ADGRV1: variants seen among roughly 807,000 people sequenced by gnomAD.
ADGRV1 encodes G-protein coupled receptor 98.
A neutral mutation model predicts 596.2 loss-of-function variants in ADGRV1; 359 were observed. The ratio of observed to expected loss-of-function variants is 0.60; its 90% CI spans 0.55 to 0.66. ADGRV1 has a LOEUF of 0.66. ADGRV1 is among the 30% of genes least tolerant of loss of function. The pLI, the probability that ADGRV1 is intolerant of heterozygous loss-of-function variation, is 0.00. For synonymous variants in ADGRV1, 2,681 were observed against 2,679.2 expected, an observed-to-expected ratio of 1.00 and a Z score of -0.02; for missense variants, 7,274 against 7,575.6, an observed-to-expected ratio of 0.96 and a Z score of 1.48.
In ADGRV1 at chr5:90,983,677, G is replaced by T. The variant is rs561928675; in HGVS notation, c.17974-1667G>T. 2.0e-5 allele frequency among the ~76,000 whole-genome samples: 3 copies of T among 152,136 alleles called. No homozygotes were observed. In the South Asian group the frequency reaches 6.2e-4, roughly 32 times the overall value. ...AATTATAGAAAGAAAAAAAAAGTTGGATCTAGTAATTTTTAAAAATGAATT... is the reference window on the plus strand; with the variant it reads ...AATTATAGAAAGAAAAAAAAAGTTGTATCTAGTAATTTTTAAAAATGAATT... On this transcript the variant is annotated intron_variant, in intron 84 of 89. Transcript: ENST00000405460.
rs773569163 is a variant in ADGRV1 at position 90,629,253 on chromosome 5, TAAC to T, written c.1555_1557del (p.Thr519del). 2.1e-5 allele frequency: 34 copies of T among 1,611,268 alleles called. No individual in the cohort carries two copies. Among genetic ancestry groups the T allele is most frequent in the Non-Finnish European group, 2.7e-5 (32 of 1,178,716 alleles). On this transcript the variant is annotated inframe_deletion, in exon 9 of 90. Coordinates refer to ENST00000405460, the MANE Select transcript of ADGRV1 (RefSeq NM_032119.4). ...GATAGTGATGATGTCTATGGCCTAA[TAAC>T]ATTTTTTCCTATGGAAAACCAGAAG...
chr5:90,991,579 TAGTTTTTTAGTATTTC>T (rs1018503104), intron 85 of ADGRV1, among the ~76,000 whole-genome samples: 26 of 152,220 alleles, frequency 1.7e-4, no homozygotes, highest in African/African-American at 5.5e-4. Context: ...ATGTCCAGCC[TAGTTTTTTAGTATTTC>T]AGTTTTTTAG....
rs1194527745 is a variant in ADGRV1, at chr5:90,759,603, T to C, written c.12120+15T>C. 1 of 1,604,418 alleles carries C rather than the reference T, an allele frequency of 6.2e-7. No individual in the cohort carries two copies. Among genetic ancestry groups the C allele is most frequent in the Non-Finnish European group, 8.5e-7 (1 of 1,171,988 alleles). On this transcript the variant is annotated intron_variant, in intron 58 of 89. Coordinates refer to ENST00000405460, the MANE Select transcript of ADGRV1 (RefSeq NM_032119.4). ...AAGAAAAGACTGTAAGTTAAACATA[T>C]CAGGGGAAAGCCTTGTTTCAGGCTA...
At chr5:91,101,055 A>G (rs1214505768) in intron 86 of ADGRV1, among the ~76,000 whole-genome samples, 1 of 152,212 alleles carries the variant, frequency 6.6e-6, no homozygotes, top group Non-Finnish European at 1.5e-5. Context: ...TTACTGGTAT[A>G]ATAAAATGGA....
At chr5:90,726,653 A>G (rs967025147) in intron 48 of ADGRV1, among the ~76,000 whole-genome samples, 35 of 147,696 alleles carry the variant, frequency 2.4e-4, no homozygotes, top group African/African-American at 4.9e-4. Flanking sequence ...CTCTCTGGGT[A>G]TGTGTGTGTG....
intron 85 of ADGRV1, among the ~76,000 whole-genome samples, chr5:91,028,732 G>GTTTTTTTTTTTT: frequency 1.0e-5 from 1 of 95,906 alleles, no homozygotes; most frequent in South Asian, 4.2e-4. Context: ...ACTAGACTCT[G>GTTTTTTTTTTTT]TTTTTTTTTT....
At chr5:91,097,393 T>C (rs1326166127) in intron 86 of ADGRV1, among the ~76,000 whole-genome samples, 1 of 152,220 alleles carries the variant, frequency 6.6e-6, no homozygotes, top group Admixed American at 6.5e-5. Flanking sequence ...ATATAAAGTT[T>C]GGGGGGACAC....
intron 43 of ADGRV1, among the ~76,000 whole-genome samples, chr5:90,719,546 G>T (rs1580858536): frequency 6.6e-6 from 1 of 151,858 alleles, no homozygotes; most frequent in Admixed American, 6.6e-5. Flanking sequence ...TAATGTTTAG[G>T]TCTGTATGGT....
At chr5:90,704,584 AT>A in intron 36 of ADGRV1, 96 bp downstream of exon 36, 1 of 689,328 alleles carries the variant, frequency 1.5e-6, no homozygotes, top group Non-Finnish European at 2.5e-6. Context: ...ATGCATACCA[AT>A]TTTTAAAATG....
intron 83 of ADGRV1, among the ~76,000 whole-genome samples, chr5:90,946,589 A>G (rs974946267): frequency 1.3e-5 from 2 of 151,974 alleles, no homozygotes; most frequent in Non-Finnish European, 2.9e-5. Flanking sequence ...TGCATTAGCT[A>G]TTTATCCTGA....
chr5:90,965,824 T>C (rs1482903595), intron 84 of ADGRV1, among the ~76,000 whole-genome samples: 2 of 152,192 alleles, frequency 1.3e-5, no homozygotes, highest in African/African-American at 4.8e-5. Flanking sequence ...AACATTTTTC[T>C]AGGAAAAGTA....
intron 84 of ADGRV1, among the ~76,000 whole-genome samples, chr5:90,971,551 A>C (rs34843244): frequency 6.6e-6 from 1 of 152,230 alleles, no homozygotes. Context: ...AATATTCAAC[A>C]TTCTTAAAGA....
chr5:90,739,122 CT>C (rs1400342442), intron 50 of ADGRV1, among the ~76,000 whole-genome samples: 1 of 151,672 alleles, frequency 6.6e-6, no homozygotes, highest in East Asian at 1.9e-4. Flanking sequence ...CATTGTATTC[CT>C]TATTTCTAGC....
chr5:91,096,671 T>TA (rs1790894347), intron 86 of ADGRV1, among the ~76,000 whole-genome samples: 1 of 152,366 alleles, frequency 6.6e-6, no homozygotes, highest in African/African-American at 2.4e-5. Flanking sequence ...CAGCCTGAGT[T>TA]ACTTGGCATA....
intron 17 of ADGRV1, 89 bp from the exon 18 acceptor site, chr5:90,651,515 T>C: frequency 8.7e-7 from 1 of 1,153,212 alleles, no homozygotes; most frequent in Non-Finnish European, 1.2e-6. Context: ...ATTTTCAACT[T>C]AATTGTAAAC....
intron 85 of ADGRV1, among the ~76,000 whole-genome samples, chr5:91,014,499 A>G (rs1581792275): frequency 6.6e-6 from 1 of 151,698 alleles, no homozygotes; most frequent in East Asian, 1.9e-4. Flanking sequence ...TAAATCCATC[A>G]GGTCCTGGGA....
At chr5:90,564,402 G>C (rs980890154) in intron 1 of ADGRV1, among the ~76,000 whole-genome samples, 2 of 152,108 alleles carry the variant, frequency 1.3e-5, no homozygotes, top group Non-Finnish European at 2.9e-5. Context: ...AAAAGGTAGA[G>C]AGGACTGGGA....
At chr5:90,597,881 A>G (rs887506490) in intron 1 of ADGRV1, among the ~76,000 whole-genome samples, 10 of 152,168 alleles carry the variant, frequency 6.6e-5, no homozygotes, top group African/African-American at 2.4e-4. Context: ...GTCTATGGAG[A>G]TAGAGATGGA....
At chr5:91,011,272 A>G (rs1001869277) in intron 85 of ADGRV1, among the ~76,000 whole-genome samples, 2 of 152,020 alleles carry the variant, frequency 1.3e-5, no homozygotes, top group Non-Finnish European at 2.9e-5. Context: ...GTCTTCACTA[A>G]ATTGTATTAC....
Sources: gnomAD v4.1 joint callset for allele counts (sites outside exome capture counted in the v4.1 genomes callset) on GRCh38, gnomAD v4.1.1 for gene constraint, MANE v1.5 for transcripts, NCBI Gene and HGNC (gene_info 2026-07-23, HGNC 2026-07-21) for gene names.